The following CD276 variants were observed in gnomAD, a reference collection of about 807,000 sequenced individuals.
CD276 encodes CD276 antigen.
A neutral mutation model predicts 50.0 loss-of-function variants in CD276; 34 were observed. That is an observed-to-expected ratio of 0.68 (90% CI 0.52 to 0.91). The LOEUF is 0.91. CD276 is among the 40% of genes least tolerant of loss of function. The pLI is 0.00. For missense variants in CD276, 634 were observed against 717.5 expected, an observed-to-expected ratio of 0.88 and a Z score of 1.33; for synonymous variants, 275 against 313.0, an observed-to-expected ratio of 0.88 and a Z score of 1.28.
rs1482213922 is a variant in CD276 at position 73,703,682 on chromosome 15, G to A, written c.757G>A (p.Glu253Lys). ...PTGAVEVQVPEDPVVALVGTD... is the reference protein window; with the variant it reads ...PTGAVEVQVPKDPVVALVGTD... ...AGGAGCCGTGGAGGTCCAGGTCCCT[G>A]AGGACCCGGTGGTGGCCCTAGTGGG... The change falls in exon 5 of 10, where the codon GAG (glutamate) becomes AAG (lysine). Residue 253 changes from glutamate to lysine, a missense_variant. Physicochemically the swap from Glu to Lys is moderately conservative, Grantham distance 56 (BLOSUM62 1). Coordinates refer to ENST00000318443, the MANE Select transcript of CD276 (RefSeq NM_001024736.2). The A allele has an allele frequency of 6.2e-7, 1 of 1,612,148 alleles. No homozygotes were observed.
intron 1 of CD276, among the ~76,000 whole-genome samples, chr15:73,695,721 A>G (rs74453111): frequency 0.049 from 7,534 of 152,336 alleles, 644 homozygotes; most frequent in African/African-American, 0.17. Flanking sequence ...ATTGGCTCAA[A>G]TATCTGGGCG....
At chr15:73,693,352 G>A (rs1267395233) in intron 1 of CD276, among the ~76,000 whole-genome samples, 1 of 152,162 alleles carries the variant, frequency 6.6e-6, no homozygotes, top group African/African-American at 2.4e-5. Flanking sequence ...TGTAAATATA[G>A]TTAATGCTGC....
chr15:73,688,682 T>G (rs922813397), intron 1 of CD276, among the ~76,000 whole-genome samples: 2 of 152,172 alleles, frequency 1.3e-5, no homozygotes, highest in African/African-American at 4.8e-5. Flanking sequence ...GGGTCCAGAT[T>G]TCCATCTGTA....
chr15:73,707,274 T>C (rs1178926360), intron 6 of CD276, among the ~76,000 whole-genome samples: 3 of 152,238 alleles, frequency 2.0e-5, no homozygotes, highest in Admixed American at 1.3e-4. Context: ...CACTGTCTTT[T>C]GTCAGGCTTT....
rs116940710 is a variant in CD276, at chr15:73,690,531, C to T, written c.-55+6071C>T. 2.2e-3 allele frequency: 772 copies of T among 358,238 alleles called. 5 individuals carry two copies. The highest frequency in any genetic ancestry group is 3.4e-3 in the Admixed American group (105 of 30,700). The allele number at this position is 358,238 out of a possible 1,614,324, so 22.2% of individuals were successfully genotyped here. A position where few individuals can be genotyped will look rare whatever the true frequency, so the allele number is the denominator to read the frequency against. The stretch of plus-strand genomic sequence containing the variant: ...CCAAGGGCATGGTGCTGGCATCTGG[C>T]GAGGGCCTTCTTGCTGCATTATCCT... On this transcript the variant is annotated intron_variant, in intron 1 of 9. Transcript: ENST00000318443.
chr15:73,688,378 T>C (rs11634820), intron 1 of CD276, among the ~76,000 whole-genome samples: 4,198 of 152,248 alleles, frequency 0.028, 80 homozygotes, highest in East Asian at 0.057. Flanking sequence ...TATTTTATTC[T>C]CACAGCAGCC....
At position 73,704,736 on chromosome 15, in the gene CD276, G is replaced by T. The variant is rs185189131; in HGVS notation, c.1369+264G>T. 7.3e-4 allele frequency among the ~76,000 whole-genome samples: 111 copies of T among 152,310 alleles called. No individual in the cohort carries two copies. Among genetic ancestry groups the T allele is most frequent in the Middle Eastern group, 6.8e-3 (2 of 294 alleles). On this transcript the variant is annotated intron_variant, in intron 6 of 9. Transcript: ENST00000318443. This position sits in a 1 kb window ranked among gnomAD's most constrained non-coding sequence, Gnocchi z 4.1. ...ACAAGGTACCTGCCCGAAATTTGGA[G>T]GCATGGGCAGGAATTCTGGGGCAGC...
intron 1 of CD276, among the ~76,000 whole-genome samples, chr15:73,695,631 T>C (rs1038565548): frequency 6.6e-6 from 1 of 152,184 alleles, no homozygotes. Flanking sequence ...ACTAAAGACA[T>C]GAATGCATGT....
chr15:73,684,233 A>G (rs901434539), upstream of CD276: 3 of 151,358 alleles, frequency 2.0e-5, no homozygotes, highest in Non-Finnish European at 4.4e-5. Flanking sequence ...TGCTCTGCCC[A>G]GCGGGCTGGC....
Position 73,709,640 on chromosome 15 carries a change from C to CTG in CD276, c.1505-7_1505-6insGT. The CTG allele has an allele frequency of 6.2e-7, 1 of 1,612,906 alleles. No individual in the cohort carries two copies. The highest frequency in any genetic ancestry group is 8.5e-7 in the Non-Finnish European group (1 of 1,179,532). ...ATTTTTGTTTATTCTGAGTTCTTGC[C>CTG]TTTGCAGGAGCTGAGGACCAGGATG... On this transcript the variant is annotated splice_region_variant and splice_polypyrimidine_tract_variant and intron_variant, in intron 7 of 9. Transcript: ENST00000318443.
At chr15:73,700,881 T>TTCCCCCCC (rs1245423797) in intron 2 of CD276, among the ~76,000 whole-genome samples, 7 of 60,894 alleles carry the variant, frequency 1.1e-4, no homozygotes, top group Admixed American at 6.4e-4. Flanking sequence ...GGGGGTTCGC[T>TTCCCCCCC]TCCCCTCCTC....
At chr15:73,701,258 C>G (rs1450050080) in intron 2 of CD276, among the ~76,000 whole-genome samples, 1 of 152,048 alleles carries the variant, frequency 6.6e-6, no homozygotes, top group Non-Finnish European at 1.5e-5. Context: ...CTACTACCAC[C>G]CTTTGAAGCC....
chr15:73,709,518 G>A (rs1182940138), intron 7 of CD276, 130 bp from the exon 8 acceptor site: 1 of 841,442 alleles, frequency 1.2e-6, no homozygotes, highest in Non-Finnish European at 2.0e-6. Context: ...CCCGTGTCTA[G>A]CATTTGGTCC....
At chr15:73,699,563 G>GT (rs781054264) in intron 1 of CD276, 23 bp from the exon 2 acceptor site, 43 of 1,570,050 alleles carry the variant, frequency 2.7e-5, no homozygotes, top group Admixed American at 3.7e-5. Flanking sequence ...GGAGACAAAG[G>GT]CCTTGCGTCC....
intron 1 of CD276, among the ~76,000 whole-genome samples, chr15:73,695,732 G>A (rs1900149962): frequency 6.6e-6 from 1 of 152,248 alleles, no homozygotes; most frequent in East Asian, 1.9e-4. Flanking sequence ...TATCTGGGCG[G>A]TCTAGGTCTG....
Position 73,713,895 on chromosome 15 carries a change from C to T in CD276, c.*939C>T. ...CAGCACTGTGTTAGGTGCTGGGGGCCCTGCGTGGGAAGATAAAGTTCCTCC... is the reference window on the plus strand; with the variant it reads ...CAGCACTGTGTTAGGTGCTGGGGGCTCTGCGTGGGAAGATAAAGTTCCTCC... On this transcript the variant is annotated 3_prime_UTR_variant, in exon 10 of 10. Transcript: ENST00000318443. 2.6e-6 allele frequency: 1 copy of T among 388,182 alleles called. No individual in the cohort carries two copies. The highest frequency in any genetic ancestry group is 1.9e-5 in the South Asian group (1 of 53,738). The allele number at this position is 388,182 out of a possible 1,614,324, so 24.0% of individuals were successfully genotyped here. A position where few individuals can be genotyped will look rare whatever the true frequency, so the allele number is the denominator to read the frequency against.
rs376192462 is a variant in CD276, at chr15:73,704,486, A to C, written c.1369+14A>C. Reference sequence around the variant, plus strand: ...TCACCATCACAGGTAAGGGCAGATGAACAGCTGGGGAAGGACGGAGCGAGT... The same window carrying C: ...TCACCATCACAGGTAAGGGCAGATGCACAGCTGGGGAAGGACGGAGCGAGT... On this transcript the variant is annotated intron_variant, in intron 6 of 9. Transcript: ENST00000318443. This position sits in a 1 kb window ranked among gnomAD's most constrained non-coding sequence, Gnocchi z 4.1. The C allele has an allele frequency of 3.0e-5, 48 of 1,608,214 alleles. No individual in the cohort carries two copies. Among genetic ancestry groups the C allele is most frequent in the Non-Finnish European group, 4.1e-5 (48 of 1,176,554 alleles).
chr15:73,690,342 T>C (rs1407168417), intron 1 of CD276, among the ~76,000 whole-genome samples: 5 of 152,152 alleles, frequency 3.3e-5, no homozygotes, highest in African/African-American at 4.8e-5. Context: ...CTTCTTAGAG[T>C]GGCAGATCTC....
Position 73,704,525 on chromosome 15 carries a change from C to G in CD276, c.1369+53C>G. 1 of 1,557,578 alleles carries G rather than the reference C, an allele frequency of 6.4e-7. No homozygotes were observed. ...GACGGAGCGAGTAACTCCCTCTTTACTGGACCCTAACGTGGAATTTCCATA... is the reference window on the plus strand; with the variant it reads ...GACGGAGCGAGTAACTCCCTCTTTAGTGGACCCTAACGTGGAATTTCCATA... On this transcript the variant is annotated intron_variant, in intron 6 of 9. Transcript: ENST00000318443. The surrounding 1 kb of genome is among the most constrained non-coding windows in gnomAD (Gnocchi z 4.1).
Sources: allele counts gnomAD v4.1 joint callset (sites outside exome capture counted in the v4.1 genomes callset), GRCh38; gene constraint gnomAD v4.1.1; non-coding constraint Gnocchi (gnomAD v3.1); transcripts MANE v1.5; gene names NCBI Gene and HGNC (gene_info 2026-07-23, HGNC 2026-07-21).